The following SCN2A variants were observed in gnomAD, a reference collection of about 807,000 sequenced individuals.
SCN2A encodes the protein sodium voltage-gated channel alpha subunit 2.
In SCN2A, 20 loss-of-function variants were observed where a neutral mutation model predicts 188.7. That is an observed-to-expected ratio of 0.11 (90% CI 0.07 to 0.15). SCN2A has a LOEUF of 0.15. Among genes scored for constraint, SCN2A ranks in the 10% least tolerant of loss-of-function variants. The pLI is 1.00. For missense variants in SCN2A, 1,278 were observed against 2,445.0 expected (o/e 0.52, Z 10.07); for synonymous variants, 804 against 833.1 (o/e 0.97, Z 0.60).
chr2:165,352,952 A>C (rs1700003046), intron 16 of SCN2A, among the ~76,000 whole-genome samples: 1 of 152,090 alleles, frequency 6.6e-6, no homozygotes, highest in Admixed American at 6.6e-5. Flanking sequence ...ATGTGTGCTT[A>C]AATAATCAGG....
intron 26 of SCN2A, among the ~76,000 whole-genome samples, chr2:165,388,159 T>A (rs565369564): frequency 6.6e-6 from 1 of 152,234 alleles, no homozygotes; most frequent in South Asian, 2.1e-4. Context: ...CCCAAGTACA[T>A]CTGTCTCCAA....
At chr2:165,357,888 A>G (rs2105343552) in intron 17 of SCN2A, among the ~76,000 whole-genome samples, 1 of 152,284 alleles carries the variant, frequency 6.6e-6, no homozygotes, top group East Asian at 1.9e-4. Flanking sequence ...ATCTATAAAT[A>G]TAATCAGTTT....
intron 1 of SCN2A, among the ~76,000 whole-genome samples, chr2:165,256,699 T>C (rs1484358296): frequency 2.0e-5 from 3 of 152,236 alleles, no homozygotes; most frequent in Non-Finnish European, 4.4e-5. Flanking sequence ...CCTTTCATAA[T>C]TAAAGTGTCC....
intron 1 of SCN2A, among the ~76,000 whole-genome samples, chr2:165,289,742 A>G (rs977757029): frequency 1.3e-5 from 2 of 152,250 alleles, no homozygotes; most frequent in South Asian, 4.1e-4. Context: ...GATGTGAAAA[A>G]ATACTCAGTG....
intron 14 of SCN2A, among the ~76,000 whole-genome samples, chr2:165,337,964 A>G (rs1210407164): frequency 6.6e-6 from 1 of 152,098 alleles, no homozygotes; most frequent in East Asian, 1.9e-4. Flanking sequence ...GCTTTGTTGC[A>G]TAAATAAATT....
rs1695004689 is a variant in SCN2A, at chr2:165,269,252, T to C, written c.-51-26521T>C. The C allele has an allele frequency of 2.6e-5, 4 of 152,054 alleles. No homozygotes were observed. The South Asian group carries it at 8.3e-4, about 32-fold the overall frequency. The allele number at this position is 152,054 out of a possible 1,614,324, so 9.4% of individuals were successfully genotyped here. A position where few individuals can be genotyped will look rare whatever the true frequency, so the allele number is the denominator to read the frequency against. Reference sequence around the variant, plus strand: ...TATTAAGTTGCACACTGTAAATATATACAATTTTTAATTGTCAATTAAATA... The same window carrying C: ...TATTAAGTTGCACACTGTAAATATACACAATTTTTAATTGTCAATTAAATA... On this transcript the variant is annotated intron_variant, in intron 1 of 26. Coordinates refer to ENST00000375437, the MANE Select transcript of SCN2A (RefSeq NM_001040142.2).
At chr2:165,359,805 C>T (rs1226953645) in intron 17 of SCN2A, among the ~76,000 whole-genome samples, 7 of 151,896 alleles carry the variant, frequency 4.6e-5, no homozygotes, top group Non-Finnish European at 7.4e-5. Context: ...GGGCCAAACA[C>T]GTGTCTTTGG....
Position 165,246,233 on chromosome 2 carries a change from C to T in SCN2A, c.-52+6593C>T, listed in dbSNP as rs374523296. On this transcript the variant is annotated intron_variant, in intron 1 of 26. Coordinates refer to ENST00000375437, the MANE Select transcript of SCN2A (RefSeq NM_001040142.2). ...TCCTTAGAAGATAGGAATTTAGCTC[C>T]AAGAACACTGGAATTTTCTCCACTG... 1.2e-4 allele frequency among the ~76,000 whole-genome samples: 19 copies of T among 152,256 alleles called. No individual in the cohort carries two copies. The East Asian group carries it at 3.5e-3, about 28-fold the overall frequency.
rs1158928024 is a variant in SCN2A at position 165,323,232 on chromosome 2, G to A, written c.1748G>A (p.Arg583Gln). 9 of 1,614,024 alleles carry A rather than the reference G, an allele frequency of 5.6e-6. No individual in the cohort carries two copies. The highest frequency in any genetic ancestry group is 5.0e-5 in the Admixed American group (3 of 59,992). Residue 583 changes from arginine (R) to glutamine (Q), a missense_variant, in exon 12 of 27, where the codon CGA (arginine) becomes CAA (glutamine). Around this residue, in one of 17 missense-constraint regions of SCN2A, gnomAD observed 315 missense variants for 386.6 expected, o/e 0.81. Coordinates refer to ENST00000375437, the MANE Select transcript of SCN2A (RefSeq NM_001040142.2). ...SRASLFSFRG[R>Q]AKDIGSENDF... Reference sequence around the variant, plus strand: ...GCGAGCCTTTTCAGCTTCAGAGGTCGAGCAAAGGACATTGGCTCTGAGAAT... The same window carrying A: ...GCGAGCCTTTTCAGCTTCAGAGGTCAAGCAAAGGACATTGGCTCTGAGAAT...
rs796595702 is a variant in SCN2A, at chr2:165,350,460, C to CTTTTTTTTTTTTTT, written c.2920-3729_2920-3728insTTTTTTTTTTTTTT. 8.7e-4 allele frequency among the ~76,000 whole-genome samples: 68 copies of CTTTTTTTTTTTTTT among 77,906 alleles called. 8 individuals carry two copies. The highest frequency in any genetic ancestry group is 2.5e-3 in the African/African-American group (57 of 23,008). 51.1% of individuals were successfully genotyped at this position (77,906 alleles called of 152,430 possible). The stretch of plus-strand genomic sequence containing the variant: ...CTGAGTGAGCTTGCTGAACTGTTTT[C>CTTTTTTTTTTTTTT]TTTCTTTTTTTTTTTTTTTTTTTTT... On this transcript the variant is annotated intron_variant, in intron 16 of 26. Coordinates refer to ENST00000375437, the MANE Select transcript of SCN2A (RefSeq NM_001040142.2).
At chr2:165,334,806 T>A (rs148196305) in intron 14 of SCN2A, among the ~76,000 whole-genome samples, 2 of 151,692 alleles carry the variant, frequency 1.3e-5, no homozygotes, top group Middle Eastern at 3.4e-3. Context: ...GCATCTAGAT[T>A]GGAACACAAG....
intron 14 of SCN2A, among the ~76,000 whole-genome samples, chr2:165,336,636 T>A (rs187183925): frequency 2.0e-5 from 3 of 152,114 alleles, no homozygotes; most frequent in African/African-American, 7.2e-5. Context: ...TTTAAGGCGA[T>A]GAAAATGTTC....
chr2:165,373,159 G>A (rs987441792), intron 20 of SCN2A, 66 bp from the exon 21 acceptor site: 15 of 1,552,350 alleles, frequency 9.7e-6, no homozygotes. Flanking sequence ...ATTGCATAGA[G>A]CAAGGCTGAA....
chr2:165,344,156 A>G (rs1699446679), intron 15 of SCN2A, among the ~76,000 whole-genome samples: 1 of 152,182 alleles, frequency 6.6e-6, no homozygotes, highest in Non-Finnish European at 1.5e-5. Context: ...CTTATGTAGG[A>G]TACTTGAAAA....
intron 16 of SCN2A, among the ~76,000 whole-genome samples, chr2:165,348,648 G>A (rs922400951): frequency 2.6e-5 from 4 of 152,180 alleles, no homozygotes; most frequent in African/African-American, 9.7e-5. Context: ...TGGGGAATAA[G>A]TTAGCTGGGT....
intron 1 of SCN2A, among the ~76,000 whole-genome samples, chr2:165,287,594 A>G (rs1212799077): frequency 1.3e-5 from 2 of 151,822 alleles, no homozygotes; most frequent in African/African-American, 2.4e-5. Flanking sequence ...CAGTTTAGTA[A>G]CCACCTGACC....
chr2:165,386,634 A>C, intron 25 of SCN2A, 112 bp from the exon 26 acceptor site: 1 of 1,094,772 alleles, frequency 9.1e-7, no homozygotes, highest in Non-Finnish European at 1.3e-6. Context: ...GTGAGGATTA[A>C]AGATGTGTTT....
intron 11 of SCN2A, among the ~76,000 whole-genome samples, chr2:165,318,447 G>A (rs1229105034): frequency 6.6e-6 from 1 of 152,080 alleles, no homozygotes; most frequent in Non-Finnish European, 1.5e-5. Flanking sequence ...TTAAAGATTG[G>A]TTTGGTATGG....
At chr2:165,256,778 G>T (rs1483802071) in intron 1 of SCN2A, among the ~76,000 whole-genome samples, 2 of 151,862 alleles carry the variant, frequency 1.3e-5, no homozygotes, top group African/African-American at 4.8e-5. Context: ...TTGAACAATG[G>T]TATCTTTTCA....
Sources: gnomAD v4.1 joint callset for allele counts (sites outside exome capture counted in the v4.1 genomes callset) on GRCh38, gnomAD v4.1.1 for gene constraint, gnomAD v4.1.1 regional missense constraint, MANE v1.5 for transcripts, NCBI Gene and HGNC (gene_info 2026-07-23, HGNC 2026-07-21) for gene names.